PCSK6: variants seen among roughly 807,000 people sequenced by gnomAD.
PCSK6 encodes the protein paired basic amino acid cleaving enzyme 4.
A neutral mutation model predicts 123.3 loss-of-function variants in PCSK6; 85 were observed. The observed-to-expected ratio is 0.69, with a 90% CI of 0.58 to 0.83. The LOEUF (loss-of-function observed/expected upper bound fraction) is 0.83, where lower values mean the gene tolerates loss of function less well. PCSK6 is among the 40% of genes least tolerant of loss of function. The pLI is 0.00. For missense variants in PCSK6, 1,191 were observed against 1,282.3 expected, an observed-to-expected ratio of 0.93 and a Z score of 1.09; for synonymous variants, 508 against 516.0, an observed-to-expected ratio of 0.98 and a Z score of 0.21.
chr15:101,485,106 C>A (rs780056122), intron 1 of PCSK6, among the ~76,000 whole-genome samples: 47 of 152,342 alleles, frequency 3.1e-4, no homozygotes, highest in Admixed American at 5.9e-4. Context: ...TGCTAACACT[C>A]TTCCGTGTCG....
chr15:101,422,810 A>G (rs1314365135), intron 6 of PCSK6, among the ~76,000 whole-genome samples: 1 of 152,010 alleles, frequency 6.6e-6, no homozygotes, highest in Non-Finnish European at 1.5e-5. Context: ...TTTAGTAGAG[A>G]TGGGGTTTCA....
At chr15:101,469,198 G>A (rs1178487010) in intron 1 of PCSK6, among the ~76,000 whole-genome samples, 1 of 152,114 alleles carries the variant, frequency 6.6e-6, no homozygotes, top group Non-Finnish European at 1.5e-5. Context: ...TACAACTCCT[G>A]CTCATTTAAT....
At chr15:101,472,814 T>C (rs1012855831) in intron 1 of PCSK6, among the ~76,000 whole-genome samples, 11 of 152,332 alleles carry the variant, frequency 7.2e-5, no homozygotes, top group African/African-American at 1.7e-4. Flanking sequence ...TCTGTAGCCA[T>C]TGAACTTTTG....
chr15:101,430,756 G>A (rs890243640), intron 4 of PCSK6, among the ~76,000 whole-genome samples: 1 of 152,206 alleles, frequency 6.6e-6, no homozygotes, highest in African/African-American at 2.4e-5. Flanking sequence ...GTCCCTTAGA[G>A]TATTTCTTGC....
intron 1 of PCSK6, chr15:101,462,953 AG>A: frequency 2.2e-6 from 1 of 452,052 alleles, no homozygotes; most frequent in South Asian, 1.6e-5. Flanking sequence ...CAGCAGCCCC[AG>A]GAGCAGCCTG....
At chr15:101,458,426 G>A (rs899245781) in intron 1 of PCSK6, among the ~76,000 whole-genome samples, 1 of 152,070 alleles carries the variant, frequency 6.6e-6, no homozygotes, top group Non-Finnish European at 1.5e-5. Flanking sequence ...GCTATACACA[G>A]TCACTGGACC....
intron 1 of PCSK6, among the ~76,000 whole-genome samples, chr15:101,479,120 A>G (rs541069615): frequency 7.2e-5 from 11 of 152,296 alleles, no homozygotes; most frequent in Admixed American, 3.3e-4. Flanking sequence ...GGGGAGAGAG[A>G]CACCCCGCAC....
At chr15:101,473,619 G>T (rs1240625096) in intron 1 of PCSK6, among the ~76,000 whole-genome samples, 1 of 152,226 alleles carries the variant, frequency 6.6e-6, no homozygotes, top group Non-Finnish European at 1.5e-5. Flanking sequence ...TTTGCATCTT[G>T]TGCTAAAATG....
Position 101,307,579 on chromosome 15 carries a change from C to G in PCSK6, c.2700-254G>C, listed in dbSNP as rs1030675807. ...CAGTTGGCAGGAGCAAGCCCAGGATCAGGGGCCAGGCCTCCGAGGCTTCCC... is the reference window on the plus strand; with the variant it reads ...CAGTTGGCAGGAGCAAGCCCAGGATGAGGGGCCAGGCCTCCGAGGCTTCCC... On this transcript the variant is annotated intron_variant, in intron 20 of 21. Coordinates refer to ENST00000611716, the MANE Select transcript of PCSK6 (RefSeq NM_002570.5). 2.0e-5 allele frequency: 9 copies of G among 441,354 alleles called. No homozygotes were observed. In the East Asian group the frequency reaches 3.8e-4, roughly 19 times the overall value. The allele number at this position is 441,354 out of a possible 1,614,324, so 27.3% of individuals were successfully genotyped here.
chr15:101,343,266 C>G (rs909892984), intron 13 of PCSK6, among the ~76,000 whole-genome samples: 1 of 152,116 alleles, frequency 6.6e-6, no homozygotes, highest in Non-Finnish European at 1.5e-5. Context: ...GGTCTACTTA[C>G]AAGTTTATCA....
At chr15:101,393,937 A>G (rs2042315286) in intron 7 of PCSK6, among the ~76,000 whole-genome samples, 1 of 152,170 alleles carries the variant, frequency 6.6e-6, no homozygotes. Context: ...CTAAATTTGC[A>G]AAGAGGGATA....
intron 6 of PCSK6, among the ~76,000 whole-genome samples, chr15:101,420,250 T>C (rs1388538793): frequency 2.0e-5 from 3 of 151,168 alleles, no homozygotes; most frequent in Admixed American, 2.0e-4. Context: ...TAAGACCAAT[T>C]ATTGTCCTAA....
chr15:101,394,447 T>G (rs943006639), intron 7 of PCSK6, among the ~76,000 whole-genome samples: 3 of 151,978 alleles, frequency 2.0e-5, no homozygotes, highest in African/African-American at 7.3e-5. Context: ...GATTAGCGAG[T>G]GGAAGACTGA....
intron 17 of PCSK6, 146 bp downstream of exon 17, chr15:101,324,704 T>C (rs1433795527): frequency 3.0e-6 from 2 of 660,104 alleles, no homozygotes; most frequent in East Asian, 5.5e-5. Context: ...TCATCATCTC[T>C]GCCTCCTTCC....
At chr15:101,402,201 A>G (rs1319955704) in intron 6 of PCSK6, among the ~76,000 whole-genome samples, 17 of 146,544 alleles carry the variant, frequency 1.2e-4, no homozygotes, top group African/African-American at 4.1e-4. Flanking sequence ...TGGTGCTGGG[A>G]AAACTGGCTA....
intron 13 of PCSK6, among the ~76,000 whole-genome samples, chr15:101,341,389 G>C (rs1283465837): frequency 1.3e-5 from 2 of 151,630 alleles, no homozygotes; most frequent in African/African-American, 4.8e-5. Flanking sequence ...GTTAGGATTA[G>C]TAGTTGGGAT....
chr15:101,408,614 G>A (rs1006251204), intron 6 of PCSK6, among the ~76,000 whole-genome samples: 1 of 152,196 alleles, frequency 6.6e-6, no homozygotes, highest in African/African-American at 2.4e-5. Context: ...ACGAGGAAGT[G>A]GGGAACACCC....
At position 101,327,016 on chromosome 15, in the gene PCSK6, A is replaced by AG. The variant is rs576382212; in HGVS notation, c.2078-538dup. 4.8e-3 allele frequency among the ~76,000 whole-genome samples: 735 copies of AG among 152,284 alleles called. 5 individuals carry two copies. Among genetic ancestry groups the AG allele is most frequent in the African/African-American group, 0.017 (705 of 41,568 alleles). ...AATGGGGATGGATCTCCGCATGCTC[A>AG]GGACCGCCTGGTGGGGCTGTTGCTG... On this transcript the variant is annotated intron_variant, in intron 15 of 21. Coordinates refer to ENST00000611716, the MANE Select transcript of PCSK6 (RefSeq NM_002570.5).
Position 101,489,378 on chromosome 15 carries a change from C to T in PCSK6, c.293G>A (p.Gly98Asp). 1 of 1,244,392 alleles carries T rather than the reference C, an allele frequency of 8.0e-7. No homozygotes were observed. The highest frequency in any genetic ancestry group is 1.0e-6 in the Non-Finnish European group (1 of 981,618). 77.1% of individuals were successfully genotyped at this position (1,244,392 alleles called of 1,614,324 possible). The change falls in exon 1 of 22, where the codon GGC (glycine) becomes GAC (aspartate). Residue 98 changes from glycine (G) to aspartate (D), a missense_variant. Coordinates refer to ENST00000611716, the MANE Select transcript of PCSK6 (RefSeq NM_002570.5). ...VAAAHGYLNL[G>D]QIGNLEDYYH... ...CGCGGGGCCGGCCGCACTCACCTGG[C>T]CCAAGTTGAGGTACCCGTGCGCCGC...
Sources: allele counts gnomAD v4.1 joint callset (sites outside exome capture counted in the v4.1 genomes callset), GRCh38; gene constraint gnomAD v4.1.1; transcripts MANE v1.5; gene names NCBI Gene and HGNC (gene_info 2026-07-23, HGNC 2026-07-21).